Variants in AVEN observed in about 807,000 individuals in gnomAD.
AVEN encodes the protein cell death regulator Aven.
AVEN carries 41 observed loss-of-function variants against 38.1 expected under a neutral mutation model. That is an observed-to-expected ratio of 1.08 (90% CI 0.84 to 1.40). The LOEUF (loss-of-function observed/expected upper bound fraction) is 1.40, where lower values mean the gene tolerates loss of function less well. AVEN is among the 40% of genes most tolerant of loss of function. The pLI is 0.00. For synonymous variants in AVEN, 206 were observed against 171.8 expected (o/e 1.20, Z -1.56); for missense variants, 605 against 438.8 (o/e 1.38, Z -3.38).
intron 4 of AVEN, chr15:34,064,156 G>A (rs764442245): frequency 1.2e-6 from 2 of 1,614,156 alleles, no homozygotes; most frequent in Non-Finnish European, 8.5e-7. Context: ...TGGCACTTGG[G>A]CTATTGGTTG....
At chr15:33,882,987 G>T (rs556272780) in intron 2 of AVEN, among the ~76,000 whole-genome samples, 2 of 152,324 alleles carry the variant, frequency 1.3e-5, no homozygotes, top group South Asian at 4.1e-4. Context: ...AATGTTTCAA[G>T]CAGTATACAA....
intron 2 of AVEN, among the ~76,000 whole-genome samples, chr15:33,890,945 C>A (rs681666): frequency 0.82 from 124,574 of 152,068 alleles, 55,167 homozygotes; most frequent in East Asian, 0.98. Flanking sequence ...TCATCACTAC[C>A]AAAAATTTAA....
intron 5 of AVEN, among the ~76,000 whole-genome samples, chr15:33,867,114 G>C (rs1265644222): frequency 5.9e-5 from 9 of 152,142 alleles, no homozygotes; most frequent in East Asian, 3.8e-4. Flanking sequence ...GTGTTCTTTT[G>C]TCAAAATATA....
Position 33,986,207 on chromosome 15 carries a change from C to T in AVEN, c.445+16825G>A, listed in dbSNP as rs373820797. ...CTGCAAGCTCTGCCTCCCGGGTTCA[C>T]GCCATTCTCCTGCCTCAGCCTCCCG... On this transcript the variant is annotated intron_variant, in intron 2 of 5. Transcript: ENST00000306730. 7.3e-4 allele frequency among the ~76,000 whole-genome samples: 111 copies of T among 151,690 alleles called. No individual in the cohort carries two copies. The East Asian group carries it at 0.012, about 17-fold the overall frequency.
intron 2 of AVEN, among the ~76,000 whole-genome samples, chr15:33,898,888 T>A (rs16958278): frequency 0.04 from 6,060 of 152,214 alleles, 358 homozygotes; most frequent in South Asian, 0.14. Context: ...AAAATAGTAT[T>A]TGAAATGGTC....
Position 33,871,031 on chromosome 15 carries a change from CTATA to C in AVEN, c.517-5_517-2del, listed in dbSNP as rs746931251. On this transcript the variant is annotated splice_acceptor_variant and splice_polypyrimidine_tract_variant and intron_variant, in intron 3 of 5. Coordinates refer to ENST00000306730, the MANE Select transcript of AVEN (RefSeq NM_020371.3). LOFTEE classifies it high-confidence loss of function. Reference sequence around the variant, plus strand: ...CACTATCCACATAAAATGCTGAATTCTATATATATATATAAAAGAAAATAAAATA... The same window carrying C: ...CACTATCCACATAAAATGCTGAATTCTATATATATAAAAGAAAATAAAATA... 2 of 1,493,604 alleles carry C rather than the reference CTATA, an allele frequency of 1.3e-6. No individual in the cohort carries two copies. Among genetic ancestry groups the C allele is most frequent in the East Asian group, 2.5e-5 (1 of 39,814 alleles). The allele number at this position is 1,493,604 out of a possible 1,614,324, so 92.5% of individuals were successfully genotyped here.
chr15:34,074,168 T>C (rs1900690518), intron 1 of AVEN, among the ~76,000 whole-genome samples: 1 of 151,494 alleles, frequency 6.6e-6, no homozygotes, highest in South Asian at 2.1e-4. Context: ...CAGCTAATTT[T>C]TGTATTTTTA....
chr15:34,057,303 A>ATTTTTT (rs59628367), intron 5 of AVEN, among the ~76,000 whole-genome samples: 1 of 147,252 alleles, frequency 6.8e-6, no homozygotes. Flanking sequence ...CGCCCAGCTA[A>ATTTTTT]TTTTTTTTTT....
At chr15:33,864,461 A>C (rs1012833097), downstream of AVEN, among the ~76,000 whole-genome samples, 3 of 152,196 alleles carry the variant, frequency 2.0e-5, no homozygotes, top group African/African-American at 7.2e-5. Flanking sequence ...TGAAATAAGA[A>C]ATTGTCTGAC....
chr15:34,018,836 T>C (rs1417256898), intron 1 of AVEN, among the ~76,000 whole-genome samples: 2 of 143,118 alleles, frequency 1.4e-5, no homozygotes, highest in Admixed American at 7.4e-5. Context: ...AGACCACTGA[T>C]TGGTGCATTT....
At chr15:33,949,446 T>G (rs1055577966) in intron 2 of AVEN, among the ~76,000 whole-genome samples, 4 of 152,226 alleles carry the variant, frequency 2.6e-5, no homozygotes, top group African/African-American at 9.6e-5. Context: ...TTTGAGGTGA[T>G]GGATATCCTA....
chr15:33,898,925 G>C (rs1266125495), intron 2 of AVEN, among the ~76,000 whole-genome samples: 3 of 152,164 alleles, frequency 2.0e-5, no homozygotes, highest in Non-Finnish European at 4.4e-5. Context: ...TTTGGGTTAA[G>C]AGATATAAAG....
chr15:33,868,807 A>G (rs1890812924), intron 4 of AVEN, among the ~76,000 whole-genome samples: 1 of 152,130 alleles, frequency 6.6e-6, no homozygotes, highest in African/African-American at 2.4e-5. Context: ...GTGGCTTCTG[A>G]GGTGCTGACA....
chr15:33,871,239 C>CA (rs1890934769), intron 3 of AVEN, among the ~76,000 whole-genome samples: 1 of 152,244 alleles, frequency 6.6e-6, no homozygotes, highest in East Asian at 1.9e-4. Context: ...CTCACACTGT[C>CA]AGAGCAACAA....
chr15:33,872,654 C>CA (rs1420039749), intron 3 of AVEN, among the ~76,000 whole-genome samples: 1 of 151,630 alleles, frequency 6.6e-6, no homozygotes, highest in East Asian at 1.9e-4. Flanking sequence ...GTTTGCTCAG[C>CA]AGCCAGTATA....
intron 1 of AVEN, among the ~76,000 whole-genome samples, chr15:34,027,754 G>A (rs1278587919): frequency 6.7e-6 from 1 of 148,984 alleles, no homozygotes; most frequent in African/African-American, 2.5e-5. Flanking sequence ...TATTACCAGA[G>A]AGTTTGTCAA....
intron 2 of AVEN, among the ~76,000 whole-genome samples, chr15:33,912,135 T>A (rs1383674514): frequency 1.3e-5 from 2 of 152,190 alleles, no homozygotes; most frequent in Non-Finnish European, 2.9e-5. Context: ...CTTAGTAAAG[T>A]CAATTAATCT....
At chr15:33,888,357 G>A (rs141193470) in intron 2 of AVEN, among the ~76,000 whole-genome samples, 39 of 152,228 alleles carry the variant, frequency 2.6e-4, no homozygotes, top group African/African-American at 8.9e-4. Flanking sequence ...GGTTGGGGCA[G>A]AGTCAGTGAG....
At chr15:33,865,252 T>A, downstream of AVEN, 1 of 1,531,618 alleles carries the variant, frequency 6.5e-7, no homozygotes, top group Non-Finnish European at 9.0e-7. Context: ...GCGCGACAAT[T>A]CTGGACAGTC....
Sources: gnomAD v4.1 joint callset for allele counts (sites outside exome capture counted in the v4.1 genomes callset) on GRCh38, gnomAD v4.1.1 for gene constraint, MANE v1.5 for transcripts, NCBI Gene and HGNC (gene_info 2026-07-23, HGNC 2026-07-21) for gene names.